The following PTPRF variants were observed in gnomAD, a reference collection of about 807,000 sequenced individuals.
The protein encoded by PTPRF is protein tyrosine phosphatase receptor type F, also known as receptor-type tyrosine-protein phosphatase F.
In PTPRF, 59 loss-of-function variants were observed where a neutral mutation model predicts 201.8. The observed-to-expected ratio is 0.29, with a 90% CI of 0.24 to 0.36. The LOEUF (loss-of-function observed/expected upper bound fraction) is 0.36. Among genes scored for constraint, PTPRF ranks in the 10% least tolerant of loss-of-function variants. PTPRF has a pLI of 1.00. For missense variants in PTPRF, 2,132 were observed against 2,690.5 expected (o/e 0.79, Z 4.59); for synonymous variants, 1,088 against 1,089.7 (o/e 1.00, Z 0.03).
chr1:43,619,925 G>T, intron 29 of PTPRF, 67 bp downstream of exon 29: 2 of 1,581,594 alleles, frequency 1.3e-6, no homozygotes, highest in Non-Finnish European at 8.6e-7. Flanking sequence ...GCTGGTGGGG[G>T]TGGGCAGCAG....
At chr1:43,532,743 A>G (rs971291452) in intron 1 of PTPRF, 2 of 154,470 alleles carry the variant, frequency 1.3e-5, no homozygotes, top group African/African-American at 4.8e-5. Flanking sequence ...TACTGATTAT[A>G]TGAATGAGCC....
At chr1:43,535,410 G>GC (rs1281936973) in intron 1 of PTPRF, among the ~76,000 whole-genome samples, 1 of 152,140 alleles carries the variant, frequency 6.6e-6, no homozygotes, top group Non-Finnish European at 1.5e-5. Flanking sequence ...GGCTCTTTCT[G>GC]CCACCATCTG....
Position 43,603,864 on chromosome 1 carries a change from C to A in PTPRF, c.2712C>A (p.Phe904Leu), listed in dbSNP as rs146318210. 2 of 1,613,992 alleles carry A rather than the reference C, an allele frequency of 1.2e-6. No individual in the cohort carries two copies. Among genetic ancestry groups the A allele is most frequent in the Non-Finnish European group, 8.5e-7 (1 of 1,180,022 alleles). Residue 904 changes from phenylalanine to leucine, a missense_variant, in exon 16 of 34, where the codon TTC becomes TTA. Physicochemically the swap from Phe to Leu is conservative, Grantham distance 22 (BLOSUM62 0). Around this residue, in one of 6 missense-constraint regions of PTPRF, gnomAD observed 818 missense variants for 915.3 expected, o/e 0.89. Coordinates refer to ENST00000359947, the MANE Select transcript of PTPRF (RefSeq NM_002840.5). This position sits in a 1 kb window ranked among gnomAD's most constrained non-coding sequence, Gnocchi z 5.8. ...ACCGGGCTGGCTTGGGTGAGGAGTT[C>A]GAGAAGGAGATCAGGACCCCCGAGG... Reference protein sequence around the residue: ...AKNRAGLGEEFEKEIRTPEDL... With the variant: ...AKNRAGLGEELEKEIRTPEDL...
chr1:43,614,850 T>TC (rs1232198090), intron 23 of PTPRF, among the ~76,000 whole-genome samples: 3 of 114,946 alleles, frequency 2.6e-5, no homozygotes, highest in Admixed American at 8.3e-5. Context: ...AGACTCCCTC[T>TC]CAAAAAATAT....
Position 43,604,141 on chromosome 1 carries a change from G to A in PTPRF, c.2989G>A (p.Gly997Ser). The change falls in exon 16 of 34, where the codon GGC (glycine) becomes AGC (serine). Residue 997 changes from glycine to serine, a missense_variant. By Grantham distance (56) the Gly-to-Ser change is moderately conservative. Coordinates refer to ENST00000359947, the MANE Select transcript of PTPRF (RefSeq NM_002840.5). ...KVRAWTSKGSGPLSPSIQSRT... is the reference protein window; with the variant it reads ...KVRAWTSKGSSPLSPSIQSRT... Reference sequence around the variant, plus strand: ...CCGCGCATGGACCAGCAAAGGCTCTGGCCCACTCAGCCCCAGCATCCAGTC... The same window carrying A: ...CCGCGCATGGACCAGCAAAGGCTCTAGCCCACTCAGCCCCAGCATCCAGTC... 1 of 1,614,146 alleles carries A rather than the reference G, an allele frequency of 6.2e-7. No individual in the cohort carries two copies. The highest frequency in any genetic ancestry group is 8.5e-7 in the Non-Finnish European group (1 of 1,180,048).
chr1:43,551,544 A>G (rs1367139028), intron 3 of PTPRF, among the ~76,000 whole-genome samples: 1 of 152,056 alleles, frequency 6.6e-6, no homozygotes, highest in South Asian at 2.1e-4. Flanking sequence ...GCACTCTAAG[A>G]ACATAGTCAG....
At chr1:43,563,255 C>T (rs1378272335) in intron 5 of PTPRF, among the ~76,000 whole-genome samples, 1 of 151,066 alleles carries the variant, frequency 6.6e-6, no homozygotes. Flanking sequence ...GTGCAAGGCT[C>T]CAGGTTCCTG....
At chr1:43,586,039 G>T (rs1649058440) in intron 7 of PTPRF, among the ~76,000 whole-genome samples, 1 of 152,168 alleles carries the variant, frequency 6.6e-6, no homozygotes, top group African/African-American at 2.4e-5. Context: ...GTCAGCTAGG[G>T]CTCGAAAGGG....
At chr1:43,604,829 C>A in intron 16 of PTPRF, 74 bp from the exon 17 acceptor site, 1 of 1,295,896 alleles carries the variant, frequency 7.7e-7, no homozygotes, top group South Asian at 1.2e-5. Context: ...CCTGGCCATT[C>A]ACCTTCCACC....
At chr1:43,557,786 G>A (rs550184777) in intron 5 of PTPRF, among the ~76,000 whole-genome samples, 8 of 152,136 alleles carry the variant, frequency 5.3e-5, no homozygotes, top group Non-Finnish European at 7.4e-5. Context: ...TCCATGCTCC[G>A]GGGAAGGGTG....
intron 5 of PTPRF, among the ~76,000 whole-genome samples, chr1:43,563,335 A>G (rs1645938366): frequency 6.6e-6 from 1 of 152,088 alleles, no homozygotes; most frequent in Admixed American, 6.5e-5. Context: ...AGGTTTGAGG[A>G]GGCGAGTTGG....
intron 1 of PTPRF, among the ~76,000 whole-genome samples, chr1:43,531,828 C>T (rs1014293359): frequency 6.6e-6 from 1 of 152,180 alleles, no homozygotes; most frequent in African/African-American, 2.4e-5. Flanking sequence ...GTGGCCGCCC[C>T]GCGTCCCGTC....
At chr1:43,549,544 T>C (rs990766100) in intron 3 of PTPRF, among the ~76,000 whole-genome samples, 3 of 152,096 alleles carry the variant, frequency 2.0e-5, no homozygotes, top group African/African-American at 4.8e-5. Context: ...TAGTAGGTGC[T>C]CAAAAAATAC....
chr1:43,565,621 A>G (rs567238779), intron 5 of PTPRF, among the ~76,000 whole-genome samples: 35 of 152,050 alleles, frequency 2.3e-4, no homozygotes, highest in Non-Finnish European at 4.0e-4. Flanking sequence ...TGAGACGCGT[A>G]GTGCAGACGC....
At chr1:43,563,652 G>A (rs1468780281) in intron 5 of PTPRF, among the ~76,000 whole-genome samples, 1 of 152,232 alleles carries the variant, frequency 6.6e-6, no homozygotes, top group Non-Finnish European at 1.5e-5. Flanking sequence ...GCTGCCGAGA[G>A]GCCCGGCATG....
chr1:43,606,750 A>G, intron 20 of PTPRF, 64 bp from the exon 21 acceptor site: 1 of 1,580,592 alleles, frequency 6.3e-7, no homozygotes, highest in Non-Finnish European at 8.6e-7. Flanking sequence ...TCCAGGATTA[A>G]TAGGCAGAGG....
chr1:43,526,133 G>A (rs1055554573), upstream of PTPRF, among the ~76,000 whole-genome samples: 2 of 152,174 alleles, frequency 1.3e-5, no homozygotes, highest in Non-Finnish European at 2.9e-5. Flanking sequence ...GAGACAGAGC[G>A]GAAGGAGGAG....
chr1:43,609,649 C>T (rs1655974043), intron 22 of PTPRF, 151 bp downstream of exon 22: 1 of 629,840 alleles, frequency 1.6e-6, no homozygotes, highest in African/African-American at 1.8e-5. Context: ...TCCCTGTGCT[C>T]ATCCACTTTG....
In PTPRF at chr1:43,546,834, C is replaced by T. The variant is rs1459388264; in HGVS notation, c.91+1668C>T. ...CTGGGCCTCCTCCAGCCTCCTCCCTCCGTGATATCCCACATCTAATCCATC... is the reference window on the plus strand; with the variant it reads ...CTGGGCCTCCTCCAGCCTCCTCCCTTCGTGATATCCCACATCTAATCCATC... On this transcript the variant is annotated intron_variant, in intron 3 of 33. Coordinates refer to ENST00000359947, the MANE Select transcript of PTPRF (RefSeq NM_002840.5). The surrounding 1 kb of genome is among the most constrained non-coding windows in gnomAD (Gnocchi z 4.2). Among the ~76,000 whole-genome samples the T allele has an allele frequency of 2.0e-5, 3 of 152,198 alleles. No homozygotes were observed. Among genetic ancestry groups the T allele is most frequent in the Non-Finnish European group, 4.4e-5 (3 of 68,030 alleles).
Sources: allele counts gnomAD v4.1 joint callset (sites outside exome capture counted in the v4.1 genomes callset), GRCh38; gene constraint gnomAD v4.1.1; regional missense constraint gnomAD v4.1.1; non-coding constraint Gnocchi (gnomAD v3.1); transcripts MANE v1.5; gene names NCBI Gene and HGNC (gene_info 2026-07-23, HGNC 2026-07-21).